The following NKAIN1 variants were observed in gnomAD, a reference collection of about 807,000 sequenced individuals.
NKAIN1 encodes sodium/potassium-transporting ATPase subunit beta-1-interacting protein 1.
In NKAIN1, 13 loss-of-function variants were observed where a neutral mutation model predicts 31.6. That is an observed-to-expected ratio of 0.41 (90% confidence interval 0.27 to 0.65). NKAIN1 has a LOEUF of 0.65. Ranked by LOEUF, NKAIN1 falls within the 30% of genes least tolerant of loss-of-function variation. The pLI, the probability that NKAIN1 is intolerant of heterozygous loss-of-function variation, is 0.30. For missense variants in NKAIN1, 193 were observed against 262.2 expected (o/e 0.74, Z 1.82); for synonymous variants, 104 against 109.0 (o/e 0.95, Z 0.28).
At chr1:31,227,059 A>G (rs1380401883) in intron 1 of NKAIN1, among the ~76,000 whole-genome samples, 2 of 152,158 alleles carry the variant, frequency 1.3e-5, no homozygotes, top group African/African-American at 2.4e-5. Flanking sequence ...TCCTGGCCTC[A>G]AGTGATCTGC....
In NKAIN1 at chr1:31,233,061, G is replaced by C. The variant is rs1645666605; in HGVS notation, c.54+6433C>G. On this transcript the variant is annotated intron_variant, in intron 1 of 6. Transcript: ENST00000373736. The surrounding 1 kb of genome is among the most constrained non-coding windows in gnomAD (Gnocchi z 4.0). ...CCTCCCAGGTTCAAATGATTCTCTTGCCTCAGCCTCCCGAGTAGCTGAAAT... is the reference window on the plus strand; with the variant it reads ...CCTCCCAGGTTCAAATGATTCTCTTCCCTCAGCCTCCCGAGTAGCTGAAAT... 6.6e-6 allele frequency among the ~76,000 whole-genome samples: 1 copy of C among 152,104 alleles called. No homozygotes were observed. Among genetic ancestry groups the C allele is most frequent in the Non-Finnish European group, 1.5e-5 (1 of 68,018 alleles).
At chr1:31,181,747 T>A (rs1437758859) in intron 6 of NKAIN1, 35 bp from the exon 7 acceptor site, 3 of 1,527,054 alleles carry the variant, frequency 2.0e-6, no homozygotes, top group Non-Finnish European at 2.6e-6. Flanking sequence ...GGAGAGTGGA[T>A]CCCAAAAGTA....
intron 1 of NKAIN1, among the ~76,000 whole-genome samples, chr1:31,231,725 T>C (rs987479896): frequency 3.3e-5 from 5 of 151,358 alleles, no homozygotes; most frequent in Admixed American, 6.6e-5. Context: ...AGAGACAGGG[T>C]TTCACAGTGT....
At chr1:31,199,005 AC>A (rs1645355149) in intron 1 of NKAIN1, among the ~76,000 whole-genome samples, 1 of 152,074 alleles carries the variant, frequency 6.6e-6, no homozygotes, top group Non-Finnish European at 1.5e-5. Context: ...CTCGTGCCCC[AC>A]CCTTGCCAGC....
intron 1 of NKAIN1, among the ~76,000 whole-genome samples, chr1:31,192,833 C>T (rs1400658248): frequency 6.6e-6 from 1 of 151,732 alleles, no homozygotes; most frequent in Non-Finnish European, 1.5e-5. Flanking sequence ...GGATTACAGG[C>T]GTGAGCCACC....
intron 1 of NKAIN1, among the ~76,000 whole-genome samples, chr1:31,223,162 A>C (rs1358814538): frequency 6.6e-6 from 1 of 152,076 alleles, no homozygotes; most frequent in Non-Finnish European, 1.5e-5. Context: ...GGATCACCCG[A>C]GGTCAGGAGT....
At chr1:31,202,500 A>AC (rs1645388821) in intron 1 of NKAIN1, among the ~76,000 whole-genome samples, 1 of 150,190 alleles carries the variant, frequency 6.7e-6, no homozygotes, top group Admixed American at 6.7e-5. Context: ...ACACGGTGAA[A>AC]CCCCATCTCT....
intron 1 of NKAIN1, among the ~76,000 whole-genome samples, chr1:31,227,985 T>C (rs1380867887): frequency 1.3e-5 from 2 of 151,976 alleles, no homozygotes; most frequent in Non-Finnish European, 2.9e-5. Context: ...TCAGAAACAA[T>C]CCAAAGGCCC....
rs1315449000 is a variant in NKAIN1, at chr1:31,180,472, CTTCA to C, written c.*1227_*1230del. 1 of 152,400 alleles carries C rather than the reference CTTCA, an allele frequency of 6.6e-6. No homozygotes were observed. Among genetic ancestry groups the C allele is most frequent in the African/African-American group, 2.4e-5 (1 of 41,466 alleles). The allele number at this position is 152,400 out of a possible 1,614,324, so 9.4% of individuals were successfully genotyped here. On this transcript the variant is annotated 3_prime_UTR_variant, in exon 7 of 7. Transcript: ENST00000373736. ...CGACTACTCACACCCCCATCTGCCC[CTTCA>C]GAACTCCTTCTGGGCTTGTTAGAGG... is the stretch of plus-strand genomic sequence containing the variant.
At chr1:31,195,060 C>T (rs1263617454) in intron 1 of NKAIN1, among the ~76,000 whole-genome samples, 2 of 151,614 alleles carry the variant, frequency 1.3e-5, no homozygotes, top group African/African-American at 2.4e-5. Context: ...CGTGAGCCAC[C>T]GCGCCTGACT....
chr1:31,232,504 G>T (rs1213941388), intron 1 of NKAIN1, among the ~76,000 whole-genome samples: 1 of 138,430 alleles, frequency 7.2e-6, no homozygotes, highest in African/African-American at 2.7e-5. Context: ...CCCCAGGCTG[G>T]TCTCAAACTC....
chr1:31,216,363 C>T (rs1645512262), intron 1 of NKAIN1, among the ~76,000 whole-genome samples: 1 of 152,140 alleles, frequency 6.6e-6, no homozygotes, highest in South Asian at 2.1e-4. Flanking sequence ...CAGAATGACA[C>T]TGTGAGGGAA....
At chr1:31,203,867 G>T (rs982696237) in intron 1 of NKAIN1, among the ~76,000 whole-genome samples, 3 of 152,150 alleles carry the variant, frequency 2.0e-5, no homozygotes, top group African/African-American at 7.2e-5. Context: ...TTACAGGCGT[G>T]AGCCACTGCG....
intron 1 of NKAIN1, among the ~76,000 whole-genome samples, chr1:31,210,981 A>G (rs1645464355): frequency 6.6e-6 from 1 of 152,224 alleles, no homozygotes; most frequent in African/African-American, 2.4e-5. Context: ...AACACTCAAC[A>G]AAATAGAAAG....
chr1:31,188,261 G>T, intron 1 of NKAIN1, 74 bp from the exon 2 acceptor site: 1 of 1,492,624 alleles, frequency 6.7e-7, no homozygotes, highest in Non-Finnish European at 9.0e-7. Context: ...TTGACCTTGG[G>T]GAGCAGGTGG....
intron 1 of NKAIN1, among the ~76,000 whole-genome samples, chr1:31,199,359 T>C (rs745675070): frequency 2.6e-5 from 4 of 152,208 alleles, no homozygotes; most frequent in Non-Finnish European, 5.9e-5. Flanking sequence ...CAGCCGGATG[T>C]CTGGCACGCA....
chr1:31,184,948 A>G (rs1452683420), intron 3 of NKAIN1, among the ~76,000 whole-genome samples: 1 of 152,158 alleles, frequency 6.6e-6, no homozygotes, highest in Non-Finnish European at 1.5e-5. Flanking sequence ...AGCGGGGCCT[A>G]AGAGTAGCTT....
chr1:31,211,013 G>A (rs1361018442), intron 1 of NKAIN1, among the ~76,000 whole-genome samples: 2 of 152,136 alleles, frequency 1.3e-5, no homozygotes, highest in Non-Finnish European at 2.9e-5. Flanking sequence ...TCCTCAACCT[G>A]GTGAAGGGCA....
intron 1 of NKAIN1, among the ~76,000 whole-genome samples, chr1:31,224,388 C>T (rs986347010): frequency 5.3e-5 from 8 of 152,222 alleles, no homozygotes; most frequent in African/African-American, 1.9e-4. Flanking sequence ...GGGCATGCAG[C>T]AGTGTGCAGT....
Sources: gnomAD v4.1 joint callset for allele counts (sites outside exome capture counted in the v4.1 genomes callset) on GRCh38, gnomAD v4.1.1 for gene constraint, Gnocchi (gnomAD v3.1) non-coding constraint, MANE v1.5 for transcripts, NCBI Gene and HGNC (gene_info 2026-07-23, HGNC 2026-07-21) for gene names.